DLG2: variants seen among roughly 807,000 people sequenced by gnomAD.
DLG2 encodes disks large homolog 2.
DLG2 carries 45 observed loss-of-function variants against 132.5 expected under a neutral mutation model. The observed-to-expected ratio is 0.34, with a 90% CI of 0.27 to 0.44. DLG2 has a LOEUF of 0.44. Ranked by LOEUF, DLG2 falls within the 20% of genes least tolerant of loss-of-function variation. The probability of loss-of-function intolerance (pLI) is 1.00; values close to 1 mark genes in which losing one functional copy is unlikely to be tolerated. For missense variants in DLG2, 1,045 were observed against 1,196.9 expected, an observed-to-expected ratio of 0.87 and a Z score of 1.87; for synonymous variants, 424 against 419.6, an observed-to-expected ratio of 1.01 and a Z score of -0.13.
At chr11:84,849,590 T>G (rs1450475719) in intron 6 of DLG2, among the ~76,000 whole-genome samples, 1 of 152,162 alleles carries the variant, frequency 6.6e-6, no homozygotes, top group Non-Finnish European at 1.5e-5. Context: ...ATTCTTGAAT[T>G]ATTTCTCATC....
At chr11:84,859,419 TAC>T (rs1317751418) in intron 6 of DLG2, among the ~76,000 whole-genome samples, 1 of 144,380 alleles carries the variant, frequency 6.9e-6, no homozygotes, top group African/African-American at 2.6e-5. Context: ...TATATATGTA[TAC>T]ATATACATAT....
intron 17 of DLG2, among the ~76,000 whole-genome samples, chr11:83,808,977 A>G (rs141773306): frequency 1.8e-3 from 262 of 147,710 alleles, no homozygotes; most frequent in Middle Eastern, 3.4e-3. Context: ...GGCTGTGTCT[A>G]TTTCCTCCTC....
intron 4 of DLG2, among the ~76,000 whole-genome samples, chr11:85,252,505 G>A (rs1051615392): frequency 2.6e-5 from 4 of 152,120 alleles, no homozygotes; most frequent in Non-Finnish European, 5.9e-5. Flanking sequence ...AGAATCGCTT[G>A]AACCCAGGAG....
chr11:85,205,382 A>C (rs1426814085), intron 4 of DLG2, among the ~76,000 whole-genome samples: 3 of 151,960 alleles, frequency 2.0e-5, no homozygotes, highest in African/African-American at 4.8e-5. Context: ...AGAGACTGAG[A>C]AGGCTATAAG....
At chr11:84,244,452 C>T (rs544059361) in intron 8 of DLG2, among the ~76,000 whole-genome samples, 83 of 152,318 alleles carry the variant, frequency 5.4e-4, no homozygotes, top group African/African-American at 1.9e-3. Context: ...TCCCAAAGTG[C>T]TGGGATTACA....
At chr11:84,899,577 C>G (rs1361192346) in intron 6 of DLG2, among the ~76,000 whole-genome samples, 1 of 152,000 alleles carries the variant, frequency 6.6e-6, no homozygotes, top group East Asian at 1.9e-4. Context: ...TGCTTAAGGA[C>G]AGTTTGGAAG....
intron 7 of DLG2, among the ~76,000 whole-genome samples, chr11:84,291,576 T>C (rs1567194618): frequency 2.0e-5 from 3 of 152,176 alleles, no homozygotes; most frequent in African/African-American, 7.2e-5. Flanking sequence ...TGAGTTTTTC[T>C]CCTCATGCAA....
intron 3 of DLG2, among the ~76,000 whole-genome samples, chr11:85,383,337 AG>A (rs1475911758): frequency 6.6e-6 from 1 of 152,114 alleles, no homozygotes; most frequent in Non-Finnish European, 1.5e-5. Context: ...GTAACTACTA[AG>A]GGGTCTGAGG....
chr11:85,122,982 T>TATATATATATAATATATATATA (rs1271959521), intron 5 of DLG2, among the ~76,000 whole-genome samples: 1 of 31,934 alleles, frequency 3.1e-5, no homozygotes, highest in Non-Finnish European at 6.0e-5. Flanking sequence ...TTTTTTTTTT[T>TATATATATATAATATATATATA]TTTTTTTTTT....
In DLG2 at chr11:84,974,185, T is replaced by C. The variant is rs2054540192; in HGVS notation, c.357+137476A>G. 3.3e-5 allele frequency among the ~76,000 whole-genome samples: 5 copies of C among 152,140 alleles called. No individual in the cohort carries two copies. The South Asian group carries it at 1.0e-3, about 32-fold the overall frequency. On this transcript the variant is annotated intron_variant, in intron 6 of 27. Coordinates refer to ENST00000376104, the MANE Select transcript of DLG2 (RefSeq NM_001142699.3). ...AATTTCCTTGAAAGGGAGAAGAAAATGTGATTCACACAAGATTATCCTTGT... is the reference window on the plus strand; with the variant it reads ...AATTTCCTTGAAAGGGAGAAGAAAACGTGATTCACACAAGATTATCCTTGT...
At chr11:85,430,642 C>A (rs547574425) in intron 3 of DLG2, among the ~76,000 whole-genome samples, 1 of 152,078 alleles carries the variant, frequency 6.6e-6, no homozygotes, top group East Asian at 1.9e-4. Context: ...TGCTTGGTAG[C>A]TCAGATTTGA....
intron 18 of DLG2, among the ~76,000 whole-genome samples, chr11:83,692,690 C>T (rs11604822): frequency 0.34 from 51,641 of 152,018 alleles, 10,517 homozygotes; most frequent in African/African-American, 0.57. Context: ...TGGCACAAAA[C>T]AAATGCTTTA....
chr11:83,726,916 C>T (rs12797204), intron 18 of DLG2, among the ~76,000 whole-genome samples: 19,552 of 152,176 alleles, frequency 0.13, 2,292 homozygotes, highest in African/African-American at 0.3. Context: ...CCCACAAATG[C>T]CTGTTGCATC....
chr11:85,383,763 T>C (rs1293514177), intron 3 of DLG2, among the ~76,000 whole-genome samples: 1 of 152,216 alleles, frequency 6.6e-6, no homozygotes, highest in African/African-American at 2.4e-5. Flanking sequence ...AATAAAGTTA[T>C]ATCTTTTCAT....
intron 3 of DLG2, among the ~76,000 whole-genome samples, chr11:85,310,971 T>C (rs1053349341): frequency 6.6e-6 from 1 of 152,216 alleles, no homozygotes; most frequent in African/African-American, 2.4e-5. Flanking sequence ...TTGATTAATT[T>C]CTCTATTCAT....
intron 11 of DLG2, among the ~76,000 whole-genome samples, chr11:83,996,302 T>C (rs145490439): frequency 5.1e-4 from 77 of 152,180 alleles, no homozygotes; most frequent in Non-Finnish European, 1.0e-3. Flanking sequence ...AAATGGCCTA[T>C]GTCCAAAAGA....
At chr11:85,593,970 A>C (rs2079551761) in intron 3 of DLG2, among the ~76,000 whole-genome samples, 1 of 152,178 alleles carries the variant, frequency 6.6e-6, no homozygotes, top group Admixed American at 6.5e-5. Context: ...TGCATAGCAC[A>C]ATGTCCAACA....
At chr11:84,040,883 C>G (rs2096058677) in intron 11 of DLG2, among the ~76,000 whole-genome samples, 1 of 151,740 alleles carries the variant, frequency 6.6e-6, no homozygotes, top group Admixed American at 6.6e-5. Context: ...TGTTTGTATC[C>G]TCTTTTATTT....
chr11:85,602,102 C>G (rs1449095053), intron 2 of DLG2, among the ~76,000 whole-genome samples: 1 of 152,198 alleles, frequency 6.6e-6, no homozygotes, highest in Admixed American at 6.5e-5. Context: ...ATCTTATCCA[C>G]CCACCCTCAG....
Sources: allele counts gnomAD v4.1 joint callset (sites outside exome capture counted in the v4.1 genomes callset), GRCh38; gene constraint gnomAD v4.1.1; transcripts MANE v1.5; gene names NCBI Gene and HGNC (gene_info 2026-07-23, HGNC 2026-07-21).